Variants in COL25A1 observed in about 807,000 individuals in gnomAD.
COL25A1 encodes collagen type XXV alpha 1 chain, also known as collagen alpha-1(XXV) chain.
A neutral mutation model predicts 128.4 loss-of-function variants in COL25A1; 103 were observed. The ratio of observed to expected loss-of-function variants is 0.80; its 90% CI spans 0.68 to 0.94. The LOEUF is 0.94. Ranked by LOEUF, COL25A1 falls within the 40% of genes least tolerant of loss-of-function variation. The pLI, the probability that COL25A1 is intolerant of heterozygous loss-of-function variation, is 0.00. For synonymous variants in COL25A1, 279 were observed against 277.2 expected (o/e 1.01, Z -0.06); for missense variants, 745 against 840.0 (o/e 0.89, Z 1.40).
chr4:109,006,188 CA>C (rs1755949958), intron 6 of COL25A1, among the ~76,000 whole-genome samples: 1 of 150,360 alleles, frequency 6.7e-6, no homozygotes, highest in Non-Finnish European at 1.5e-5. Context: ...AAGCTTTCAA[CA>C]ACTTAAAAAC....
At chr4:108,829,176 C>T (rs377196582) in intron 32 of COL25A1, among the ~76,000 whole-genome samples, 3 of 152,118 alleles carry the variant, frequency 2.0e-5, no homozygotes, top group African/African-American at 7.2e-5. Context: ...ATATCTACAG[C>T]ATATTTCTTA....
At chr4:109,029,293 G>A (rs886447672) in intron 5 of COL25A1, among the ~76,000 whole-genome samples, 4 of 151,992 alleles carry the variant, frequency 2.6e-5, no homozygotes, top group African/African-American at 7.2e-5. Context: ...ACTCCATCCC[G>A]CCCAATACAT....
chr4:109,005,164 T>C (rs1177162525), intron 6 of COL25A1, among the ~76,000 whole-genome samples: 3 of 152,106 alleles, frequency 2.0e-5, no homozygotes, highest in African/African-American at 7.2e-5. Flanking sequence ...TTGCCAATCA[T>C]GGTATAAGGC....
At chr4:108,960,089 A>T (rs984331898) in intron 8 of COL25A1, among the ~76,000 whole-genome samples, 1 of 152,140 alleles carries the variant, frequency 6.6e-6, no homozygotes, top group Non-Finnish European at 1.5e-5. Flanking sequence ...GTTTCCTAAT[A>T]TAGAAGATCC....
rs1237295929 is a variant in COL25A1, at chr4:108,827,174, A to G, written c.1725T>C (p.Ala575=). 6.2e-7 allele frequency: 1 copy of G among 1,613,958 alleles called. No homozygotes were observed. The highest frequency in any genetic ancestry group is 2.2e-5 in the East Asian group (1 of 44,868). The change falls in exon 33 of 38, where the codon GCT becomes GCC. Residue 575 remains alanine (A), a synonymous_variant. Coordinates refer to ENST00000399132, the MANE Select transcript of COL25A1 (RefSeq NM_198721.4). ...GCCCTCTTGGTCCAGGCTCTCCCAT[A>G]GCTCCTTTTTCACCCTAAAATGAAA... ...GPKGERGEKG[A]MGEPGPRGPY... is the part of the protein sequence containing the mutation.
At chr4:109,017,532 G>C (rs574435610) in intron 5 of COL25A1, among the ~76,000 whole-genome samples, 1 of 152,316 alleles carries the variant, frequency 6.6e-6, no homozygotes, top group East Asian at 1.9e-4. Flanking sequence ...AAACTCATTT[G>C]GATCTCTGAC....
At chr4:109,258,185 C>T (rs1353795118) in intron 3 of COL25A1, among the ~76,000 whole-genome samples, 1 of 152,188 alleles carries the variant, frequency 6.6e-6, no homozygotes, top group South Asian at 2.1e-4. Context: ...GGTCCATCTA[C>T]ACTTCATATT....
intron 5 of COL25A1, among the ~76,000 whole-genome samples, chr4:109,035,964 G>A (rs1360834586): frequency 4.6e-5 from 7 of 151,764 alleles, no homozygotes; most frequent in African/African-American, 1.7e-4. Flanking sequence ...GTCTCACTCT[G>A]TCGCTCAGGC....
At chr4:109,222,808 C>T (rs1778518076) in intron 3 of COL25A1, among the ~76,000 whole-genome samples, 1 of 152,158 alleles carries the variant, frequency 6.6e-6, no homozygotes, top group African/African-American at 2.4e-5. Flanking sequence ...TTTTAAATAA[C>T]TCACAGACAA....
intron 3 of COL25A1, among the ~76,000 whole-genome samples, chr4:109,291,682 A>T (rs987054142): frequency 1.3e-5 from 2 of 152,106 alleles, no homozygotes; most frequent in Non-Finnish European, 2.9e-5. Flanking sequence ...ATCTAGAATT[A>T]AAAAATAAGT....
At chr4:109,168,674 G>GA (rs1467647417) in intron 3 of COL25A1, among the ~76,000 whole-genome samples, 6 of 152,152 alleles carry the variant, frequency 3.9e-5, no homozygotes, top group Middle Eastern at 3.4e-3. Context: ...TCCTTGCAGA[G>GA]GTGCTCTTTC....
At chr4:108,990,488 T>C (rs1754125765) in intron 6 of COL25A1, among the ~76,000 whole-genome samples, 1 of 151,892 alleles carries the variant, frequency 6.6e-6, no homozygotes, top group African/African-American at 2.4e-5. Flanking sequence ...GAGGGTCTTA[T>C]GCTATAACCA....
intron 31 of COL25A1, among the ~76,000 whole-genome samples, chr4:108,835,204 A>G (rs1193391749): frequency 6.6e-6 from 1 of 152,242 alleles, no homozygotes; most frequent in African/African-American, 2.4e-5. Flanking sequence ...TGATTAAACA[A>G]TGGCATTTTC....
chr4:108,855,660 TAAAAG>T (rs913969035), intron 24 of COL25A1, among the ~76,000 whole-genome samples: 6 of 152,088 alleles, frequency 3.9e-5, no homozygotes, highest in Non-Finnish European at 7.4e-5. Flanking sequence ...AGCTGCAAAA[TAAAAG>T]AATATTATTA....
At chr4:109,200,202 C>A (rs1264990191) in intron 3 of COL25A1, among the ~76,000 whole-genome samples, 1 of 152,202 alleles carries the variant, frequency 6.6e-6, no homozygotes, top group Admixed American at 6.5e-5. Flanking sequence ...TCCTTTCACA[C>A]AACAATCAGA....
At chr4:109,077,712 G>A (rs1395723626) in intron 3 of COL25A1, among the ~76,000 whole-genome samples, 1 of 152,172 alleles carries the variant, frequency 6.6e-6, no homozygotes, top group African/African-American at 2.4e-5. Context: ...AGACAGAAAG[G>A]CAAACACCCT....
chr4:108,996,261 G>T (rs2126020895), intron 6 of COL25A1, among the ~76,000 whole-genome samples: 1 of 128,838 alleles, frequency 7.8e-6, no homozygotes, highest in Non-Finnish European at 1.6e-5. Context: ...AAAATAAAGG[G>T]ATGGAGGAAG....
At chr4:108,969,958 A>G (rs1215127411) in intron 8 of COL25A1, among the ~76,000 whole-genome samples, 2 of 151,486 alleles carry the variant, frequency 1.3e-5, no homozygotes, top group East Asian at 3.9e-4. Context: ...CTGGAGTGCA[A>G]TCATGCTATC....
At chr4:108,854,349 A>G (rs1330256858) in intron 24 of COL25A1, among the ~76,000 whole-genome samples, 1 of 152,192 alleles carries the variant, frequency 6.6e-6, no homozygotes, top group Admixed American at 6.5e-5. Context: ...AGTGGCAACA[A>G]GAGCCAAAAT....
Sources: allele counts gnomAD v4.1 joint callset (sites outside exome capture counted in the v4.1 genomes callset), GRCh38; gene constraint gnomAD v4.1.1; transcripts MANE v1.5; gene names NCBI Gene and HGNC (gene_info 2026-07-23, HGNC 2026-07-21).